The following PPP2R2C variants were observed in gnomAD, a reference collection of about 807,000 sequenced individuals.
PPP2R2C encodes the protein protein phosphatase 2, regulatory subunit B, gamma.
In PPP2R2C, 10 loss-of-function variants were observed where a neutral mutation model predicts 45.3. The observed-to-expected ratio is 0.22, with a 90% confidence interval of 0.14 to 0.37. The LOEUF (loss-of-function observed/expected upper bound fraction) is 0.37, where lower values mean the gene tolerates loss of function less well. Among genes scored for constraint, PPP2R2C ranks in the 10% least tolerant of loss-of-function variants. The pLI, the probability that PPP2R2C is intolerant of heterozygous loss-of-function variation, is 1.00. For synonymous variants in PPP2R2C, 257 were observed against 245.4 expected (o/e 1.05, Z -0.44); for missense variants, 308 against 619.7 (o/e 0.50, Z 5.34).
rs1399936210 is a variant in PPP2R2C at position 6,345,861 on chromosome 4, C to A, written c.790+1985G>T. Among the ~76,000 whole-genome samples the A allele has an allele frequency of 6.6e-6, 1 of 152,160 alleles. No individual in the cohort carries two copies. The highest frequency in any genetic ancestry group is 6.5e-5 in the Admixed American group (1 of 15,290). ...TCTCCAGCCTCCCATCAGTCCACGG[C>A]CACTAACTCCACACTTATCTCCAGG... On this transcript the variant is annotated intron_variant, in intron 6 of 8. Transcript: ENST00000382599. The surrounding 1 kb of genome is among the most constrained non-coding windows in gnomAD (Gnocchi z 5.3).
intron 1 of PPP2R2C, among the ~76,000 whole-genome samples, chr4:6,403,778 G>A (rs935826725): frequency 4.0e-5 from 6 of 151,786 alleles, no homozygotes; most frequent in African/African-American, 1.2e-4. Flanking sequence ...CAGGAGAATC[G>A]CTTGAACCTG....
At chr4:6,366,741 A>G (rs1714342039) in intron 5 of PPP2R2C, among the ~76,000 whole-genome samples, 1 of 152,118 alleles carries the variant, frequency 6.6e-6, no homozygotes, top group South Asian at 2.1e-4. Flanking sequence ...GGGATGGCGG[A>G]TGGCAGTGCT....
intron 1 of PPP2R2C, among the ~76,000 whole-genome samples, chr4:6,397,561 C>G (rs1664791341): frequency 1.3e-5 from 1 of 79,686 alleles, no homozygotes; most frequent in South Asian, 4.2e-4. Flanking sequence ...GTTCCAAGAA[C>G]CTCACAAGTT....
chr4:6,395,196 T>C (rs1402590384), intron 1 of PPP2R2C, among the ~76,000 whole-genome samples: 1 of 152,022 alleles, frequency 6.6e-6, no homozygotes, highest in African/African-American at 2.4e-5. Flanking sequence ...TGAATAAAGG[T>C]CCCATCTGCC....
Position 6,347,886 on chromosome 4 carries a change from G to A in PPP2R2C, c.750C>T (p.Cys250=), listed in dbSNP as rs199885426. 1.7e-5 allele frequency: 27 copies of A among 1,613,172 alleles called. No homozygotes were observed. The highest frequency in any genetic ancestry group is 1.6e-4 in the Middle Eastern group (1 of 6,076). Residue 250 remains cysteine (C), a synonymous_variant, in exon 6 of 9, where the codon TGC becomes TGT. Transcript: ENST00000382599. ...YSSSKGSLRL[C]DMRAAALCDK... ...CACACAGGGCAGCTGCCCGCATGTCGCAGAGCCGCAGGGAGCCCTTGCTGC... is the reference window on the plus strand; with the variant it reads ...CACACAGGGCAGCTGCCCGCATGTCACAGAGCCGCAGGGAGCCCTTGCTGC...
intron 1 of PPP2R2C, among the ~76,000 whole-genome samples, chr4:6,424,431 G>A (rs1448296243): frequency 1.3e-5 from 2 of 152,192 alleles, no homozygotes; most frequent in Non-Finnish European, 2.9e-5. Context: ...ACACTTTGTG[G>A]TCCTCCATTC....
At chr4:6,519,564 T>G (rs946653052) in intron 2 of PPP2R2C, among the ~76,000 whole-genome samples, 2 of 152,258 alleles carry the variant, frequency 1.3e-5, no homozygotes, top group East Asian at 3.8e-4. Context: ...TGCTGTTCCC[T>G]TGCCCATTTG....
intron 5 of PPP2R2C, chr4:6,349,240 G>A (rs1712305867): frequency 1.5e-5 from 15 of 985,312 alleles, no homozygotes; most frequent in Admixed American, 6.1e-5. Context: ...TGTTCCCTCT[G>A]ACTCTTCAGG....
At chr4:6,483,941 T>C (rs1009259586) in intron 2 of PPP2R2C, among the ~76,000 whole-genome samples, 1 of 152,076 alleles carries the variant, frequency 6.6e-6, no homozygotes, top group Non-Finnish European at 1.5e-5. Context: ...TATTTTTATA[T>C]ACAAAGTTTT....
chr4:6,548,310 C>T lies in PPP2R2C; in HGVS notation c.-58-12933G>A, dbSNP rs147182201. Among the ~76,000 whole-genome samples the T allele has an allele frequency of 1.3e-3, 198 of 152,302 alleles. 1 individual carries two copies. Among genetic ancestry groups the T allele is most frequent in the Middle Eastern group, 3.4e-3 (1 of 294 alleles). On this transcript the variant is annotated intron_variant, in intron 1 of 9. Coordinates refer to the PPP2R2C transcript ENST00000506140. Reference sequence around the variant, plus strand: ...TAACACTCAGCCTCTCTGAGCCTCCCGGTCCCCCACTGGTGGAATGAGATG... The same window carrying T: ...TAACACTCAGCCTCTCTGAGCCTCCTGGTCCCCCACTGGTGGAATGAGATG...
At chr4:6,452,949 C>T (rs1316696837) in intron 1 of PPP2R2C, among the ~76,000 whole-genome samples, 1 of 152,196 alleles carries the variant, frequency 6.6e-6, no homozygotes, top group Non-Finnish European at 1.5e-5. Flanking sequence ...CTCCAGCTCC[C>T]CACGGCCACA....
At chr4:6,458,481 C>T (rs1446004052) in intron 1 of PPP2R2C, among the ~76,000 whole-genome samples, 1 of 152,182 alleles carries the variant, frequency 6.6e-6, no homozygotes, top group Non-Finnish European at 1.5e-5. Flanking sequence ...ACTAATCCCA[C>T]CCATGAGGGC....
At chr4:6,422,119 T>C (rs879741680) in intron 1 of PPP2R2C, among the ~76,000 whole-genome samples, 21 of 151,768 alleles carry the variant, frequency 1.4e-4, no homozygotes, top group African/African-American at 3.1e-4. Flanking sequence ...GCTCAACCAG[T>C]CTTCAGAGGC....
chr4:6,461,999 A>G (rs1721350659), intron 1 of PPP2R2C, among the ~76,000 whole-genome samples: 2 of 152,318 alleles, frequency 1.3e-5, no homozygotes, highest in South Asian at 4.1e-4. Context: ...AGCCACGCTC[A>G]CCCCCAGCTC....
In PPP2R2C at chr4:6,329,383, C is replaced by CG; in HGVS notation, c.961-31dup. ...TGGGATAAGGGATGAGGTGAGTGGA[C>CG]GGGGCGTCCCGACCATCCTGGCCCT... On this transcript the variant is annotated intron_variant, in intron 7 of 8. Transcript: ENST00000382599. The surrounding 1 kb of genome is among the most constrained non-coding windows in gnomAD (Gnocchi z 5.8). 1 of 1,584,034 alleles carries CG rather than the reference C, an allele frequency of 6.3e-7. No homozygotes were observed. The highest frequency in any genetic ancestry group is 8.7e-7 in the Non-Finnish European group (1 of 1,153,108).
At chr4:6,449,890 G>A (rs543102384) in intron 1 of PPP2R2C, among the ~76,000 whole-genome samples, 8 of 152,314 alleles carry the variant, frequency 5.3e-5, no homozygotes, top group South Asian at 2.1e-4. Flanking sequence ...AAAACACCTC[G>A]CCAGAGAGGA....
intron 1 of PPP2R2C, among the ~76,000 whole-genome samples, chr4:6,550,905 C>T (rs888953997): frequency 3.3e-5 from 5 of 152,326 alleles, no homozygotes; most frequent in Admixed American, 6.5e-5. Flanking sequence ...CTCAGCATCC[C>T]AAAGTGCTGG....
At chr4:6,474,912 C>T (rs1002992690), upstream of PPP2R2C, among the ~76,000 whole-genome samples, 4 of 152,116 alleles carry the variant, frequency 2.6e-5, no homozygotes, top group African/African-American at 4.8e-5. Context: ...GCCCTGCCCC[C>T]GCTGACAGAG....
rs571690949 is a variant in PPP2R2C at position 6,378,298 on chromosome 4, G to A, written c.334+109C>T. 4.7e-5 allele frequency: 73 copies of A among 1,563,522 alleles called. No homozygotes were observed. Among genetic ancestry groups the A allele is most frequent in the Middle Eastern group, 2.1e-4 (1 of 4,828 alleles). On this transcript the variant is annotated intron_variant, in intron 3 of 8. Coordinates refer to ENST00000382599, the MANE Select transcript of PPP2R2C (RefSeq NM_020416.4). This position sits in a 1 kb window ranked among gnomAD's most constrained non-coding sequence, Gnocchi z 5.2. ...TCAAAAAGGATATTATTTTCTAGGC[G>A]TTCTGAAGACATAGAAAAATGCTCA...
Sources: allele counts gnomAD v4.1 joint callset (sites outside exome capture counted in the v4.1 genomes callset), GRCh38; gene constraint gnomAD v4.1.1; non-coding constraint Gnocchi (gnomAD v3.1); transcripts MANE v1.5; gene names NCBI Gene and HGNC (gene_info 2026-07-23, HGNC 2026-07-21).